Variants in ACLY observed in about 807,000 individuals in gnomAD.
ACLY encodes the protein ATP citrate lyase.
A neutral mutation model predicts 133.0 loss-of-function variants in ACLY; 41 were observed. That is an observed-to-expected ratio of 0.31 (90% confidence interval 0.24 to 0.40). ACLY has a LOEUF of 0.40. ACLY is among the 10% of genes least tolerant of loss of function. The pLI is 1.00. For synonymous variants in ACLY, 495 were observed against 549.3 expected, an observed-to-expected ratio of 0.90 and a Z score of 1.38; for missense variants, 1,046 against 1,453.8, an observed-to-expected ratio of 0.72 and a Z score of 4.56.
chr17:41,873,888 C>A lies in ACLY; in HGVS notation c.2565G>T (p.Ala855=). The change falls in exon 23 of 29, where the codon GCG becomes GCT. Residue 855 remains alanine, a synonymous_variant. Transcript: ENST00000352035. ...TGAAGACCTCAGTGATGGGCATGCC[C>A]GCGTAGATGAGCTCCTGTCCTCGCT... ...CDERGQELIY[A]GMPITEVFKE... is the part of the protein sequence containing the mutation. 2 of 1,610,960 alleles carry A rather than the reference C, an allele frequency of 1.2e-6. No individual in the cohort carries two copies. Among genetic ancestry groups the A allele is most frequent in the Non-Finnish European group, 1.7e-6 (2 of 1,177,880 alleles).
intron 22 of ACLY, among the ~76,000 whole-genome samples, chr17:41,875,184 T>C (rs1165483772): frequency 6.6e-6 from 1 of 151,820 alleles, no homozygotes; most frequent in Admixed American, 6.6e-5. Flanking sequence ...CCCCATTATC[T>C]ATTGAAACTA....
chr17:41,875,522 G>A (rs1375065234), intron 22 of ACLY, among the ~76,000 whole-genome samples: 13 of 150,804 alleles, frequency 8.6e-5, no homozygotes, highest in South Asian at 2.1e-4. Flanking sequence ...CTGCCATCTC[G>A]GCTCACTGCA....
At chr17:41,887,730 G>A in intron 16 of ACLY, 27 bp from the exon 17 acceptor site, 6 of 1,597,100 alleles carry the variant, frequency 3.8e-6, no homozygotes, top group Non-Finnish European at 5.2e-6. Flanking sequence ...GTCCCTTCCT[G>A]TTAACTCTCT....
intron 22 of ACLY, among the ~76,000 whole-genome samples, chr17:41,874,811 G>A (rs2048689735): frequency 7.3e-6 from 1 of 136,356 alleles, no homozygotes; most frequent in African/African-American, 2.7e-5. Context: ...CTGACCTCAT[G>A]ATCCGCCTGC....
intron 13 of ACLY, among the ~76,000 whole-genome samples, chr17:41,897,207 G>T (rs191581253): frequency 2.6e-5 from 4 of 151,446 alleles, no homozygotes; most frequent in Admixed American, 6.6e-5. Flanking sequence ...GGCTGCAAGG[G>T]CTGGCCGGCA....
chr17:41,904,665 G>A (rs2049656952), intron 10 of ACLY, 64 bp downstream of exon 10: 1 of 1,497,982 alleles, frequency 6.7e-7, no homozygotes, highest in Non-Finnish European at 9.3e-7. Flanking sequence ...CTGCTTTCAA[G>A]GCCCCTTCCC....
At chr17:41,875,253 G>A (rs1273273756) in intron 22 of ACLY, among the ~76,000 whole-genome samples, 2 of 151,652 alleles carry the variant, frequency 1.3e-5, no homozygotes, top group Non-Finnish European at 2.9e-5. Flanking sequence ...GGGAGGCTAA[G>A]GCAGGAGAAT....
rs60296550 is a variant in ACLY, at chr17:41,900,069, CAAAAAAAAAAAA to C, written c.1184-1296_1184-1285del. On this transcript the variant is annotated intron_variant, in intron 11 of 28. Transcript: ENST00000352035. Reference sequence around the variant, plus strand: ...GGGTGACAGAGTGAGACCCTGTCTCCAAAAAAAAAAAAAAAAAAAAAAAAAAATTGCCTATAA... The same window carrying C: ...GGGTGACAGAGTGAGACCCTGTCTCCAAAAAAAAAAAAAAATTGCCTATAA... 1.6e-3 allele frequency among the ~76,000 whole-genome samples: 75 copies of C among 46,632 alleles called. 1 individual carries two copies. The highest frequency in any genetic ancestry group is 4.5e-3 in the African/African-American group (69 of 15,190). 30.6% of individuals were successfully genotyped at this position (46,632 alleles called of 152,430 possible).
chr17:41,868,890 G>T, intron 27 of ACLY, 105 bp from the exon 28 acceptor site: 1 of 1,379,446 alleles, frequency 7.2e-7, no homozygotes, highest in Non-Finnish European at 1.0e-6. Context: ...GGGGTGCTCT[G>T]GGTGGTAGCA....
At chr17:41,924,011 A>T (rs1247923429), upstream of ACLY, among the ~76,000 whole-genome samples, 6 of 152,190 alleles carry the variant, frequency 3.9e-5, no homozygotes, top group African/African-American at 1.4e-4. Flanking sequence ...AGGTTTCGCC[A>T]TGTTGGCCAG....
chr17:41,928,301 C>A (rs1357731232), intron 1 of ACLY, among the ~76,000 whole-genome samples: 1 of 152,036 alleles, frequency 6.6e-6, no homozygotes, highest in Non-Finnish European at 1.5e-5. Context: ...AAAGAGTATC[C>A]TTTCTCCATT....
chr17:41,887,571 TAA>T, intron 17 of ACLY, 26 bp downstream of exon 17: 1 of 1,601,268 alleles, frequency 6.2e-7, no homozygotes, highest in Non-Finnish European at 8.6e-7. Context: ...GCATCGAACG[TAA>T]AAGGCTTTCC....
intron 20 of ACLY, among the ~76,000 whole-genome samples, chr17:41,879,289 A>C (rs1427216736): frequency 1.3e-5 from 2 of 151,622 alleles, no homozygotes; most frequent in African/African-American, 4.8e-5. Context: ...TATTTTTAGT[A>C]GAGATGGGGT....
chr17:41,876,568 A>G (rs564030902), intron 22 of ACLY, among the ~76,000 whole-genome samples: 62 of 152,378 alleles, frequency 4.1e-4, no homozygotes, highest in African/African-American at 1.5e-3. Flanking sequence ...TTCTGTACTA[A>G]GAAAAATTCT....
intron 8 of ACLY, among the ~76,000 whole-genome samples, chr17:41,906,096 C>T (rs1555632601): frequency 6.6e-6 from 1 of 152,144 alleles, no homozygotes; most frequent in Non-Finnish European, 1.5e-5. Flanking sequence ...GTGAAAAAAA[C>T]TGCTAATTAT....
intron 3 of ACLY, 131 bp from the exon 4 acceptor site, chr17:41,910,415 G>GA (rs1373032642): frequency 1.4e-5 from 10 of 731,698 alleles, no homozygotes; most frequent in Non-Finnish European, 2.0e-5. Flanking sequence ...GATTTTTCCA[G>GA]AAAAAATGGG....
At chr17:41,924,765 A>C (rs1351324638) in intron 1 of ACLY, among the ~76,000 whole-genome samples, 5 of 152,108 alleles carry the variant, frequency 3.3e-5, no homozygotes, top group African/African-American at 1.2e-4. Context: ...GGCAGCAGTT[A>C]TCTCTCTGGG....
rs1555624553 is a variant in ACLY, at chr17:41,869,053, A to C, written c.3124T>G (p.Ser1042Ala). 1 of 1,613,076 alleles carries C rather than the reference A, an allele frequency of 6.2e-7. No individual in the cohort carries two copies. The highest frequency in any genetic ancestry group is 8.5e-7 in the Non-Finnish European group (1 of 1,179,328). Residue 1042 changes from serine (S) to alanine (A), a missense_variant, in exon 27 of 29, where the codon TCC (serine) becomes GCC (alanine). Physicochemically the swap from Ser to Ala is moderately conservative, Grantham distance 99 (BLOSUM62 1). Coordinates refer to ENST00000352035, the MANE Select transcript of ACLY (RefSeq NM_001096.3). ...AGCTACAATGCTCACCGAGTAAAGG[A>C]CCCACAGTTTCTAAGCATGTCTACA... is the stretch of plus-strand genomic sequence containing the variant. ...AFVDMLRNCGSFTREEADEYI... is the reference protein window; with the variant it reads ...AFVDMLRNCGAFTREEADEYI...
At chr17:41,887,992 G>T (rs1438010861) in intron 16 of ACLY, among the ~76,000 whole-genome samples, 2 of 152,042 alleles carry the variant, frequency 1.3e-5, no homozygotes, top group African/African-American at 2.4e-5. Context: ...GCTGGGTATG[G>T]TGGTGCGCGC....
Sources: allele counts gnomAD v4.1 joint callset (sites outside exome capture counted in the v4.1 genomes callset), GRCh38; gene constraint gnomAD v4.1.1; transcripts MANE v1.5; gene names NCBI Gene and HGNC (gene_info 2026-07-23, HGNC 2026-07-21).